RNF135: variants seen among roughly 807,000 people sequenced by gnomAD.
RNF135 encodes E3 ubiquitin-protein ligase RNF135.
Under a neutral mutation model 41.9 loss-of-function variants are expected in RNF135, and 46 were observed. The observed-to-expected ratio is 1.10, with a 90% confidence interval of 0.87 to 1.40. The LOEUF is 1.40. Among genes scored for constraint, RNF135 ranks in the 40% most tolerant of loss-of-function variants. The pLI, the probability that RNF135 is intolerant of heterozygous loss-of-function variation, is 0.00. For synonymous variants in RNF135, 238 were observed against 223.8 expected (o/e 1.06, Z -0.57); for missense variants, 539 against 549.8 (o/e 0.98, Z 0.20).
chr17:30,993,729 A>G, intron 3 of RNF135: 1 of 860,478 alleles, frequency 1.2e-6, no homozygotes, highest in Non-Finnish European at 1.7e-6. Flanking sequence ...AAATAACTTC[A>G]GTAGGTTTTG....
upstream of RNF135, among the ~76,000 whole-genome samples, chr17:30,968,006 C>T: frequency 6.6e-6 from 1 of 152,060 alleles, no homozygotes; most frequent in East Asian, 2.0e-4. Flanking sequence ...CGCGGTGGCT[C>T]ACCTCTGTAA....
chr17:30,993,977 G>T (rs1289089834), intron 3 of RNF135: 4 of 488,704 alleles, frequency 8.2e-6, no homozygotes, highest in Middle Eastern at 5.2e-4. Context: ...CTAATTTTTT[G>T]TACTTTTTGT....
At chr17:30,966,893 T>C (rs1192820204), upstream of RNF135, among the ~76,000 whole-genome samples, 3 of 152,142 alleles carry the variant, frequency 2.0e-5, no homozygotes, top group African/African-American at 7.2e-5. Context: ...TTTGCATATA[T>C]CTCAAAAAGT....
chr17:30,975,458 G>T, intron 1 of RNF135: 1 of 776,144 alleles, frequency 1.3e-6, no homozygotes, highest in South Asian at 1.3e-5. Context: ...TGTGTTCACT[G>T]AGAAGCAACT....
At chr17:30,970,289 GAAGT>G (rs1567733932), upstream of RNF135, 1 of 151,950 alleles carries the variant, frequency 6.6e-6, no homozygotes, top group Non-Finnish European at 1.5e-5. Context: ...ACTGGGATGC[GAAGT>G]GAGTGAGTGA....
chr17:30,986,409 C>A (rs1458133595), intron 2 of RNF135, among the ~76,000 whole-genome samples: 1 of 152,176 alleles, frequency 6.6e-6, no homozygotes, highest in African/African-American at 2.4e-5. Flanking sequence ...ACTGGCCAGT[C>A]TGGCCTCAAA....
intron 1 of RNF135, 36 bp from the exon 2 acceptor site, chr17:30,984,581 T>C (rs1431905202): frequency 1.2e-6 from 2 of 1,613,356 alleles, no homozygotes; most frequent in Admixed American, 3.3e-5. Flanking sequence ...GGTCCAGTTT[T>C]ATAGAACCCA....
chr17:30,967,452 T>C (rs553201965), upstream of RNF135, among the ~76,000 whole-genome samples: 2 of 152,316 alleles, frequency 1.3e-5, no homozygotes, highest in African/African-American at 4.8e-5. Context: ...CAGCATACTT[T>C]TCTTTTGTTT....
chr17:30,967,957 A>T (rs978073885), upstream of RNF135, among the ~76,000 whole-genome samples: 32 of 151,700 alleles, frequency 2.1e-4, no homozygotes, highest in Admixed American at 9.8e-4. Flanking sequence ...GAGCCACCGC[A>T]CTCGGCCAAG....
chr17:30,992,307 A>G (rs962254952), intron 3 of RNF135, among the ~76,000 whole-genome samples: 1 of 151,770 alleles, frequency 6.6e-6, no homozygotes, highest in Admixed American at 6.6e-5. Flanking sequence ...GGCTCAAGCA[A>G]TCCTTCTGTC....
At chr17:30,990,016 T>A (rs1907880831) in intron 3 of RNF135, among the ~76,000 whole-genome samples, 2 of 151,270 alleles carry the variant, frequency 1.3e-5, no homozygotes, top group Non-Finnish European at 2.9e-5. Context: ...GAATCATTTC[T>A]TATGTAAGTG....
intron 1 of RNF135, among the ~76,000 whole-genome samples, chr17:30,982,937 C>T (rs1374033459): frequency 6.6e-6 from 1 of 152,136 alleles, no homozygotes; most frequent in Non-Finnish European, 1.5e-5. Flanking sequence ...TTCCCCCAGC[C>T]TCTGGCAACC....
rs1259273771 is a variant in RNF135 at position 30,999,410 on chromosome 17, G to A, written c.*219G>A. 5 of 572,718 alleles carry A rather than the reference G, an allele frequency of 8.7e-6. No individual in the cohort carries two copies. The highest frequency in any genetic ancestry group is 3.7e-5 in the African/African-American group (2 of 53,362). 35.5% of individuals were successfully genotyped at this position (572,718 alleles called of 1,614,324 possible). ...ATTACAGGTGTGAGCCACCACACCT[G>A]GCCAAGAATACCACTTTTGAAGTTA... is the stretch of plus-strand genomic sequence containing the variant. On this transcript the variant is annotated 3_prime_UTR_variant, in exon 5 of 5. Transcript: ENST00000328381.
intron 1 of RNF135, among the ~76,000 whole-genome samples, chr17:30,974,909 C>G (rs1273004244): frequency 6.6e-6 from 1 of 151,960 alleles, no homozygotes; most frequent in East Asian, 1.9e-4. Context: ...AACTCTTGAC[C>G]TCAGGTGATC....
upstream of RNF135, chr17:30,971,018 C>T: frequency 6.5e-7 from 1 of 1,532,018 alleles, no homozygotes; most frequent in Non-Finnish European, 8.7e-7. Flanking sequence ...AGGGAGGAGC[C>T]TGAGGAGACT....
At chr17:30,972,611 C>T (rs746754001) in intron 1 of RNF135, 6 of 152,326 alleles carry the variant, frequency 3.9e-5, no homozygotes, top group Non-Finnish European at 7.3e-5. Flanking sequence ...TTTGCCTGTT[C>T]TAGATATTTC....
At chr17:30,997,129 T>G (rs1378653684) in intron 3 of RNF135, 113 bp from the exon 4 acceptor site, 5 of 809,774 alleles carry the variant, frequency 6.2e-6, no homozygotes, top group Non-Finnish European at 1.1e-5. Context: ...CACTGAAAAA[T>G]GTGTAGATGA....
chr17:30,975,741 T>G, intron 1 of RNF135: 1 of 1,284,824 alleles, frequency 7.8e-7, no homozygotes, highest in South Asian at 1.2e-5. Context: ...CTGATTGGCC[T>G]GGTGTACATG....
intron 1 of RNF135, among the ~76,000 whole-genome samples, chr17:30,979,738 G>T (rs1177432808): frequency 1.6e-5 from 2 of 128,088 alleles, no homozygotes; most frequent in South Asian, 2.6e-4. Flanking sequence ...CCTCCCGGAC[G>T]GGGCGGCTGG....
Sources: allele counts gnomAD v4.1 joint callset (sites outside exome capture counted in the v4.1 genomes callset), GRCh38; gene constraint gnomAD v4.1.1; transcripts MANE v1.5; gene names NCBI Gene and HGNC (gene_info 2026-07-23, HGNC 2026-07-21).